Variants in OTOGL observed in about 807,000 individuals in gnomAD.
OTOGL encodes otogelin like.
A neutral mutation model predicts 318.5 loss-of-function variants in OTOGL; 285 were observed. The observed-to-expected ratio is 0.89, with a 90% CI of 0.81 to 0.99. The LOEUF (loss-of-function observed/expected upper bound fraction) is 0.99, where lower values mean the gene tolerates loss of function less well. Ranked by LOEUF, OTOGL falls within the 50% of genes least tolerant of loss-of-function variation. OTOGL has a pLI of 0.00. For synonymous variants in OTOGL, 987 were observed against 936.5 expected (o/e 1.05, Z -0.99); for missense variants, 2,899 against 2,845.6 (o/e 1.02, Z -0.43).
chr12:80,203,368 C>A (rs1052442269), intron 1 of OTOGL, among the ~76,000 whole-genome samples: 1 of 151,988 alleles, frequency 6.6e-6, no homozygotes, highest in African/African-American at 2.4e-5. Context: ...TTATCTGGCC[C>A]ACACTTATAA....
chr12:80,237,018 T>G (rs974060899), intron 9 of OTOGL, among the ~76,000 whole-genome samples: 1 of 151,984 alleles, frequency 6.6e-6, no homozygotes, highest in Non-Finnish European at 1.5e-5. Context: ...TTTCACCGTG[T>G]TGGCCAGGCC....
chr12:80,366,699 C>A, intron 53 of OTOGL, 62 bp downstream of exon 53: 1 of 628,712 alleles, frequency 1.6e-6, no homozygotes, highest in Non-Finnish European at 2.3e-6. Context: ...TGTTTTTTCA[C>A]TATTAATAAG....
At position 80,317,153 on chromosome 12, in the gene OTOGL, A is replaced by G. The variant is rs140426899; in HGVS notation, c.3635-1393A>G. Among the ~76,000 whole-genome samples the G allele has an allele frequency of 1.4e-4, 22 of 152,292 alleles. No homozygotes were observed. The East Asian group carries it at 4.2e-3, about 29-fold the overall frequency. ...ATTTCTGTAGGTGAGGGAGAACTTC[A>G]GTTTCCTACTAAAAATTGTTATGTG... On this transcript the variant is annotated intron_variant, in intron 32 of 58. Coordinates refer to ENST00000547103, the MANE Select transcript of OTOGL (RefSeq NM_001378609.3).
chr12:80,342,068 C>T lies in OTOGL; in HGVS notation c.5171C>T (p.Thr1724Ile). 1 of 1,607,272 alleles carries T rather than the reference C, an allele frequency of 6.2e-7. No homozygotes were observed. Among genetic ancestry groups the T allele is most frequent in the Non-Finnish European group, 8.5e-7 (1 of 1,176,162 alleles). Residue 1724 changes from threonine (T) to isoleucine (I), a missense_variant, in exon 44 of 59, where the codon ACA becomes ATA. Coordinates refer to ENST00000547103, the MANE Select transcript of OTOGL (RefSeq NM_001378609.3). ...GAAATTGAGAAATCATTTGAAGTAA[C>T]AATGAGAAGACCTGTTAGGAATTGT... ...SWEIEKSFEV[T>I]MRRPVRNCTE...
intron 1 of OTOGL, among the ~76,000 whole-genome samples, chr12:80,170,316 G>A (rs1453916806): frequency 6.6e-6 from 1 of 151,856 alleles, no homozygotes; most frequent in African/African-American, 2.4e-5. Context: ...ACTTTAATTT[G>A]CATGGCTCTA....
At chr12:80,361,070 C>A (rs1418371905) in intron 52 of OTOGL, 1 of 151,858 alleles carries the variant, frequency 6.6e-6, no homozygotes, top group Non-Finnish European at 1.5e-5. Flanking sequence ...TATAATAGAT[C>A]TCTTGAACTT....
At position 80,355,774 on chromosome 12, in the gene OTOGL, G is replaced by A. The variant is rs371478264; in HGVS notation, c.5632G>A (p.Glu1878Lys). Reference protein sequence around the residue: ...DSEDQPRTAGEIWNGGIDECT... With the variant: ...DSEDQPRTAGKIWNGGIDECT... ...TGAAGACCAACCCCGCACTGCTGGG[G>A]AGATTTGGAATGGGGGCATTGATGA... The change falls in exon 47 of 59, where the codon GAG (glutamate) becomes AAG (lysine). Residue 1878 changes from glutamate (E) to lysine (K), a missense_variant. Glu to Lys is a moderately conservative substitution (Grantham distance 56). Transcript: ENST00000547103. 15 of 1,613,778 alleles carry A rather than the reference G, an allele frequency of 9.3e-6. No homozygotes were observed. In the African/African-American group the frequency reaches 1.6e-4, roughly 17 times the overall value.
At chr12:80,124,744 G>A (rs1028256636) in intron 1 of OTOGL, among the ~76,000 whole-genome samples, 4 of 152,070 alleles carry the variant, frequency 2.6e-5, no homozygotes, top group Non-Finnish European at 1.5e-5. Flanking sequence ...TCCTTGAAGA[G>A]GTCCTTCACA....
intron 1 of OTOGL, among the ~76,000 whole-genome samples, chr12:80,135,251 T>G: frequency 1.4e-5 from 1 of 69,118 alleles, no homozygotes; most frequent in East Asian, 5.1e-4. Context: ...CTTGAGCCCC[T>G]CCCCTCCCCT....
At chr12:80,235,163 G>A (rs535615198) in intron 9 of OTOGL, among the ~76,000 whole-genome samples, 27 of 151,956 alleles carry the variant, frequency 1.8e-4, no homozygotes, top group Non-Finnish European at 3.4e-4. Flanking sequence ...GGTAGAGTTA[G>A]AAAAGACTGC....
At chr12:80,301,095 G>A (rs1381984802) in intron 27 of OTOGL, among the ~76,000 whole-genome samples, 6 of 152,164 alleles carry the variant, frequency 3.9e-5, no homozygotes, top group Non-Finnish European at 1.5e-5. Context: ...CTGTAGTATA[G>A]TATTTTCAAA....
intron 26 of OTOGL, among the ~76,000 whole-genome samples, chr12:80,295,997 T>C (rs1291441015): frequency 6.6e-6 from 1 of 152,136 alleles, no homozygotes; most frequent in Non-Finnish European, 1.5e-5. Context: ...ACTTAGTGGA[T>C]GCAGTGGGGA....
chr12:80,359,555 A>G (rs1890118495), intron 52 of OTOGL, among the ~76,000 whole-genome samples: 1 of 152,176 alleles, frequency 6.6e-6, no homozygotes, highest in African/African-American at 2.4e-5. Flanking sequence ...TTCTCAAACA[A>G]TGTGTACACT....
intron 15 of OTOGL, 97 bp downstream of exon 15, chr12:80,254,667 C>A: frequency 4.2e-6 from 4 of 941,234 alleles, no homozygotes; most frequent in South Asian, 1.9e-5. Flanking sequence ...TCATATATAC[C>A]AAGGGCTACA....
intron 7 of OTOGL, among the ~76,000 whole-genome samples, chr12:80,224,784 G>T (rs551273889): frequency 6.6e-5 from 10 of 151,826 alleles, no homozygotes; most frequent in African/African-American, 2.2e-4. Flanking sequence ...GAAACTTTTA[G>T]ACCCTGAAAC....
intron 26 of OTOGL, among the ~76,000 whole-genome samples, chr12:80,283,225 C>T (rs143200871): frequency 1.8e-4 from 27 of 152,060 alleles, no homozygotes; most frequent in Non-Finnish European, 2.9e-4. Flanking sequence ...CTTTCTGAGA[C>T]TCATATTGTT....
chr12:80,328,998 G>T (rs1887892861), intron 36 of OTOGL, 53 bp from the exon 37 acceptor site: 2 of 1,464,110 alleles, frequency 1.4e-6, no homozygotes, highest in Admixed American at 4.3e-5. Context: ...AAATATGTGG[G>T]TCTAATTTTA....
intron 44 of OTOGL, among the ~76,000 whole-genome samples, chr12:80,347,737 C>T (rs957444259): frequency 5.3e-5 from 8 of 152,192 alleles, no homozygotes; most frequent in Admixed American, 2.6e-4. Flanking sequence ...ACACTCCCAC[C>T]GACAGTGTAA....
intron 11 of OTOGL, among the ~76,000 whole-genome samples, chr12:80,244,993 C>T (rs1880744055): frequency 6.7e-6 from 1 of 148,796 alleles, no homozygotes; most frequent in Admixed American, 6.6e-5. Flanking sequence ...TCTTTGCCCA[C>T]TTTTTGATGG....
Sources: gnomAD v4.1 joint callset for allele counts (sites outside exome capture counted in the v4.1 genomes callset) on GRCh38, gnomAD v4.1.1 for gene constraint, MANE v1.5 for transcripts, NCBI Gene and HGNC (gene_info 2026-07-23, HGNC 2026-07-21) for gene names.